The following TJP1 variants were observed in gnomAD, a reference collection of about 807,000 sequenced individuals.
TJP1 encodes the protein tight junction protein 1, also known as tight junction protein ZO-1.
TJP1 carries 43 observed loss-of-function variants against 194.2 expected under a neutral mutation model. The observed-to-expected ratio is 0.22, with a 90% CI of 0.17 to 0.29. TJP1 has a LOEUF of 0.29. Ranked by LOEUF, TJP1 falls within the 10% of genes least tolerant of loss-of-function variation. The probability of loss-of-function intolerance (pLI) is 1.00; values close to 1 mark genes in which losing one functional copy is unlikely to be tolerated. For synonymous variants in TJP1, 801 were observed against 779.0 expected (o/e 1.03, Z -0.47); for missense variants, 1,971 against 2,185.7 (o/e 0.90, Z 1.96).
At chr15:29,712,799 C>A (rs1482037036) in intron 23 of TJP1, among the ~76,000 whole-genome samples, 5 of 140,826 alleles carry the variant, frequency 3.6e-5, no homozygotes, top group African/African-American at 1.3e-4. Flanking sequence ...GTGGGAGTGA[C>A]ATGTCCCATT....
At chr15:29,780,875 C>A (rs1313519019) in intron 2 of TJP1, among the ~76,000 whole-genome samples, 1 of 151,898 alleles carries the variant, frequency 6.6e-6, no homozygotes, top group Non-Finnish European at 1.5e-5. Context: ...ATTAAATCAA[C>A]AATACATACG....
chr15:29,819,181 C>T (rs143246781), intron 1 of TJP1, among the ~76,000 whole-genome samples: 123 of 152,178 alleles, frequency 8.1e-4, no homozygotes, highest in African/African-American at 2.8e-3. Context: ...TGCTCTTTGT[C>T]ATTTAGATTT....
chr15:29,966,594 A>T (rs1307555891), intron 1 of TJP1, among the ~76,000 whole-genome samples: 3 of 152,218 alleles, frequency 2.0e-5, no homozygotes, highest in Non-Finnish European at 4.4e-5. Context: ...ATCACAAATT[A>T]TTAAGAATCC....
In TJP1 at chr15:29,720,498, T is replaced by C. The variant is rs751032406; in HGVS notation, c.2623A>G (p.Thr875Ala). Residue 875 changes from threonine to alanine, a missense_variant, in exon 19 of 28, where the codon ACA (threonine) becomes GCA (alanine). Around this residue, in one of 5 missense-constraint regions of TJP1, gnomAD observed 1,108 missense variants for 1,128.5 expected, o/e 0.98. Coordinates refer to ENST00000614355, the MANE Select transcript of TJP1 (RefSeq NM_001330239.4). ...EVGTPPESAI[T>A]RSSEPVREDS... ...TCTCTTACAGGCTCAGAGGACCGTG[T>C]AATGGCAGACTCCGGTGGAGTCCCA... 6.2e-7 allele frequency: 1 copy of C among 1,614,162 alleles called. No homozygotes were observed. The highest frequency in any genetic ancestry group is 1.1e-5 in the South Asian group (1 of 91,070).
Position 29,751,358 on chromosome 15 carries a change from G to GA in TJP1, c.1011-8578dup, listed in dbSNP as rs2045267743. On this transcript the variant is annotated intron_variant, in intron 8 of 27. Transcript: ENST00000614355. ...TACATGTGTTCATGAGCATGCTTCT[G>GA]AAAAAATCTGAGTCTATTTCACTGT... 1.3e-5 allele frequency among the ~76,000 whole-genome samples: 2 copies of GA among 152,136 alleles called. 1 individual carries two copies. Among genetic ancestry groups the GA allele is most frequent in the South Asian group, 4.1e-4 (2 of 4,828 alleles).
intron 2 of TJP1, among the ~76,000 whole-genome samples, chr15:29,878,213 C>T (rs2052782604): frequency 6.6e-6 from 1 of 151,830 alleles, no homozygotes; most frequent in Non-Finnish European, 1.5e-5. Context: ...CCATGCTTGG[C>T]TATTTTTTTT....
intron 2 of TJP1, among the ~76,000 whole-genome samples, chr15:29,919,673 T>C (rs959263237): frequency 1.3e-5 from 2 of 152,180 alleles, no homozygotes; most frequent in African/African-American, 4.8e-5. Flanking sequence ...TTTGGGGGTC[T>C]GGAGAGAGAG....
At chr15:29,742,139 T>A (rs189730330) in intron 9 of TJP1, among the ~76,000 whole-genome samples, 144 of 151,744 alleles carry the variant, frequency 9.5e-4, no homozygotes, top group African/African-American at 3.4e-3. Flanking sequence ...GGTGCACACC[T>A]GTAATAGGGA....
chr15:29,923,179 A>G (rs1290591894), intron 2 of TJP1, among the ~76,000 whole-genome samples: 1 of 152,184 alleles, frequency 6.6e-6, no homozygotes, highest in Non-Finnish European at 1.5e-5. Flanking sequence ...ATTCACCCAC[A>G]AAAGACAATC....
At chr15:29,733,391 G>A (rs2043802019) in intron 12 of TJP1, 78 bp from the exon 13 acceptor site, 2 of 978,088 alleles carry the variant, frequency 2.0e-6, no homozygotes, top group African/African-American at 1.6e-5. Flanking sequence ...ATGTAAAGAT[G>A]CTATGATAAT....
At chr15:29,855,425 G>T (rs906662657) in intron 2 of TJP1, among the ~76,000 whole-genome samples, 1 of 152,138 alleles carries the variant, frequency 6.6e-6, no homozygotes, top group Non-Finnish European at 1.5e-5. Flanking sequence ...ATAAATGTTT[G>T]AAGTTATAGA....
chr15:29,727,138 G>C, intron 16 of TJP1, 147 bp from the exon 17 acceptor site: 1 of 654,596 alleles, frequency 1.5e-6, no homozygotes, highest in East Asian at 2.7e-5. Context: ...GAGGCCAGGA[G>C]TTCCAGACCA....
At chr15:29,840,293 A>C (rs538948136) in intron 2 of TJP1, among the ~76,000 whole-genome samples, 3 of 152,296 alleles carry the variant, frequency 2.0e-5, no homozygotes, top group African/African-American at 7.2e-5. Context: ...TTTGGCATCA[A>C]GTCTAACAGG....
chr15:29,803,778 A>C (rs996106966), intron 1 of TJP1, among the ~76,000 whole-genome samples: 1 of 152,144 alleles, frequency 6.6e-6, no homozygotes, highest in Non-Finnish European at 1.5e-5. Flanking sequence ...TAAAATACTA[A>C]AACATAATTG....
At chr15:29,828,508 A>T (rs1373865218) in intron 2 of TJP1, among the ~76,000 whole-genome samples, 1 of 152,130 alleles carries the variant, frequency 6.6e-6, no homozygotes, top group African/African-American at 2.4e-5. Flanking sequence ...TTAAAAAAAA[A>T]TTTCACTGAT....
chr15:29,941,462 G>C (rs548529643), intron 2 of TJP1, among the ~76,000 whole-genome samples: 50 of 152,244 alleles, frequency 3.3e-4, no homozygotes, highest in Non-Finnish European at 4.6e-4. Context: ...CTGGCTGAAG[G>C]GGGGAAGGAG....
At position 29,749,692 on chromosome 15, in the gene TJP1, AC is replaced by A. The variant is rs372817024; in HGVS notation, c.1011-6912del. On this transcript the variant is annotated intron_variant, in intron 8 of 27. Transcript: ENST00000614355. ...ACCATGCAAGTTCGTCTGGTGACAT[AC>A]CACAGCAAATTCTCGGCCACTCAGT... Among the ~76,000 whole-genome samples, 70 of 152,272 alleles carry A rather than the reference AC, an allele frequency of 4.6e-4. 1 individual carries two copies. Among genetic ancestry groups the A allele is most frequent in the Admixed American group, 1.1e-3 (17 of 15,302 alleles).
chr15:29,701,618 A>G lies in TJP1; in HGVS notation c.5284T>C (p.Ser1762Pro). ...PNYLVGANCV[S>P]VLIDHF ...AGTTAAAAGTGGTCAATAAGGACAG[A>G]AACACAGTTTGCTCCAACGAGATAA... Residue 1762 changes from serine to proline, a missense_variant, in exon 28 of 28, where the codon TCT (serine) becomes CCT (proline). Physicochemically the swap from Ser to Pro is moderately conservative, Grantham distance 74. Transcript: ENST00000614355. The G allele has an allele frequency of 1.9e-6, 3 of 1,614,094 alleles. No individual in the cohort carries two copies. The highest frequency in any genetic ancestry group is 2.5e-6 in the Non-Finnish European group (3 of 1,179,964).
At chr15:29,762,502 G>T in intron 5 of TJP1, 64 bp from the exon 6 acceptor site, 1 of 1,199,600 alleles carries the variant, frequency 8.3e-7, no homozygotes, top group Non-Finnish European at 1.2e-6. Context: ...GATTTTACAA[G>T]TATACAACTA....
Sources: allele counts gnomAD v4.1 joint callset (sites outside exome capture counted in the v4.1 genomes callset), GRCh38; gene constraint gnomAD v4.1.1; regional missense constraint gnomAD v4.1.1; transcripts MANE v1.5; gene names NCBI Gene and HGNC (gene_info 2026-07-23, HGNC 2026-07-21).